Variants in PRKCG observed in about 807,000 individuals in gnomAD.
The protein encoded by PRKCG is protein kinase C gamma, also known as protein kinase C gamma type.
A neutral mutation model predicts 82.0 loss-of-function variants in PRKCG; 28 were observed. The ratio of observed to expected loss-of-function variants is 0.34; its 90% CI spans 0.25 to 0.47. The LOEUF (loss-of-function observed/expected upper bound fraction) is 0.47. Among genes scored for constraint, PRKCG ranks in the 20% least tolerant of loss-of-function variants. PRKCG has a pLI of 1.00. For missense variants in PRKCG, 640 were observed against 952.7 expected (o/e 0.67, Z 4.32); for synonymous variants, 383 against 376.6 (o/e 1.02, Z -0.20).
chr19:53,898,390 T>C, intron 10 of PRKCG, 50 bp from the exon 11 acceptor site: 1 of 1,608,922 alleles, frequency 6.2e-7, no homozygotes, highest in South Asian at 1.1e-5. Flanking sequence ...GCAGGTCCTG[T>C]ACCACTGGGT....
In PRKCG at chr19:53,884,758, CG is replaced by C. The variant is rs1568750185; in HGVS notation, c.285+517del. On this transcript the variant is annotated intron_variant, in intron 3 of 17. Transcript: ENST00000263431. This position sits in a 1 kb window ranked among gnomAD's most constrained non-coding sequence, Gnocchi z 4.6. ...AGATGGACAGAGAAACTCCAAGAGA[CG>C]GAGACACAGACACCTGGAGAAAGAG... 6.6e-6 allele frequency among the ~76,000 whole-genome samples: 1 copy of C among 152,078 alleles called. No homozygotes were observed. The highest frequency in any genetic ancestry group is 1.5e-5 in the Non-Finnish European group (1 of 68,028).
rs2068652326 is a variant in PRKCG at position 53,889,075 on chromosome 19, C to T, written c.286-563C>T. ...TCAAGCAATTCTCATGCCTCAGCCT[C>T]CTGAGTAGCTGGGATTACAGGCATG... On this transcript the variant is annotated intron_variant, in intron 3 of 17. Transcript: ENST00000263431. This position sits in a 1 kb window ranked among gnomAD's most constrained non-coding sequence, Gnocchi z 4.4. Among the ~76,000 whole-genome samples the T allele has an allele frequency of 6.6e-6, 1 of 152,124 alleles. No homozygotes were observed. Among genetic ancestry groups the T allele is most frequent in the African/African-American group, 2.4e-5 (1 of 41,412 alleles).
intron 9 of PRKCG, among the ~76,000 whole-genome samples, chr19:53,895,861 C>T (rs890289266): frequency 6.6e-6 from 1 of 151,978 alleles, no homozygotes; most frequent in Non-Finnish European, 1.5e-5. Flanking sequence ...AGATCGAGAC[C>T]ATCCTGGCTA....
At chr19:53,887,176 A>G (rs1013900108) in intron 3 of PRKCG, among the ~76,000 whole-genome samples, 3 of 151,920 alleles carry the variant, frequency 2.0e-5, no homozygotes, top group Admixed American at 6.6e-5. Context: ...GGCTCAAGTG[A>G]TTCACTGCTG....
At chr19:53,894,753 C>T (rs949487369) in intron 9 of PRKCG, among the ~76,000 whole-genome samples, 10 of 152,202 alleles carry the variant, frequency 6.6e-5, no homozygotes, top group Non-Finnish European at 1.0e-4. Flanking sequence ...AGCGACCACG[C>T]CCAGACGAAT....
intron 16 of PRKCG, among the ~76,000 whole-genome samples, chr19:53,906,078 C>CTTCTTCTTCTTCTTCTTCTTCTT (rs1568763958): frequency 2.3e-5 from 1 of 43,782 alleles, no homozygotes; most frequent in African/African-American, 3.4e-4. Context: ...TCCTCCTCCT[C>CTTCTTCTTCTTCTTCTTCTTCTT]CTCCTCCTTC....
In PRKCG at chr19:53,883,255, G is replaced by A; in HGVS notation, c.202+61G>A. ...GGAGGGTGGAGGCTGGGGCCCCACA[G>A]CTGAGGCTGCTTGACACACGTGTTC... On this transcript the variant is annotated intron_variant, in intron 2 of 17. Transcript: ENST00000263431. This position sits in a 1 kb window ranked among gnomAD's most constrained non-coding sequence, Gnocchi z 5.4. 6.3e-7 allele frequency: 1 copy of A among 1,587,954 alleles called. No individual in the cohort carries two copies. The highest frequency in any genetic ancestry group is 8.6e-7 in the Non-Finnish European group (1 of 1,157,582).
Position 53,889,178 on chromosome 19 carries a change from C to T in PRKCG, c.286-460C>T, listed in dbSNP as rs2068652908. ...ATGTTGCCTAGCCTGGTCCGGAACT[C>T]CTGAGCTCAAGGCAATCCGCCCACC... On this transcript the variant is annotated intron_variant, in intron 3 of 17. Transcript: ENST00000263431. The surrounding 1 kb of genome is among the most constrained non-coding windows in gnomAD (Gnocchi z 4.4). 6.6e-6 allele frequency among the ~76,000 whole-genome samples: 1 copy of T among 152,030 alleles called. No individual in the cohort carries two copies. Among genetic ancestry groups the T allele is most frequent in the Admixed American group, 6.6e-5 (1 of 15,252 alleles).
At chr19:53,896,432 C>T (rs911545726) in intron 9 of PRKCG, among the ~76,000 whole-genome samples, 2 of 149,220 alleles carry the variant, frequency 1.3e-5, no homozygotes, top group African/African-American at 4.9e-5. Flanking sequence ...ATGTATTTAT[C>T]TATTTGAGAC....
chr19:53,900,313 G>GC lies in PRKCG; in HGVS notation c.1366dup (p.His456ProfsTer36). 6.2e-7 allele frequency: 1 copy of GC among 1,614,128 alleles called. No individual in the cohort carries two copies. The highest frequency in any genetic ancestry group is 8.5e-7 in the Non-Finnish European group (1 of 1,180,018). On this transcript the variant is annotated frameshift_variant, in exon 12 of 18. Transcript: ENST00000263431. LOFTEE classifies it high-confidence loss of function. This position sits in a 1 kb window ranked among gnomAD's most constrained non-coding sequence, Gnocchi z 4.2. ...TTCAACAGCTGGGCAAGTTTAAGGA[G>GC]CCCCATGCAGCGTGAGTCTCGGCCA... is the stretch of plus-strand genomic sequence containing the variant.
At chr19:53,893,502 T>G in intron 9 of PRKCG, 111 bp downstream of exon 9, 10 of 1,179,406 alleles carry the variant, frequency 8.5e-6, no homozygotes, top group Middle Eastern at 1.9e-4. Flanking sequence ...GAGCACACAT[T>G]TGTGCTAGGC....
intron 16 of PRKCG, 97 bp from the exon 17 acceptor site, chr19:53,906,220 G>T: frequency 6.7e-7 from 1 of 1,485,878 alleles, no homozygotes; most frequent in South Asian, 1.2e-5. Flanking sequence ...GTGTCTCTTG[G>T]TTCCTCCATC....
rs773816756 is a variant in PRKCG at position 53,882,449 on chromosome 19, C to T, written c.-46C>T. On this transcript the variant is annotated 5_prime_UTR_variant, in exon 1 of 18. Coordinates refer to ENST00000263431, the MANE Select transcript of PRKCG (RefSeq NM_002739.5). This position sits in a 1 kb window ranked among gnomAD's most constrained non-coding sequence, Gnocchi z 6.1. ...CAGCTCCTCTCCCTTCCACCTGTTTCCCCCAAGAAAGGCAGGATCCTGGTC... is the reference window on the plus strand; with the variant it reads ...CAGCTCCTCTCCCTTCCACCTGTTTTCCCCAAGAAAGGCAGGATCCTGGTC... 1.3e-6 allele frequency: 2 copies of T among 1,589,824 alleles called. No homozygotes were observed. Among genetic ancestry groups the T allele is most frequent in the Non-Finnish European group, 1.7e-6 (2 of 1,168,466 alleles).
In PRKCG at chr19:53,892,689, T is replaced by C. The variant is rs1263757890; in HGVS notation, c.821+46T>C. 5.0e-6 allele frequency: 8 copies of C among 1,591,510 alleles called. No homozygotes were observed. The South Asian group carries it at 5.6e-5, about 11-fold the overall frequency. On this transcript the variant is annotated intron_variant, in intron 7 of 17. Coordinates refer to ENST00000263431, the MANE Select transcript of PRKCG (RefSeq NM_002739.5). This position sits in a 1 kb window ranked among gnomAD's most constrained non-coding sequence, Gnocchi z 5.9. The stretch of plus-strand genomic sequence containing the variant: ...CTGGGGATGGAGCGCAATATTACCA[T>C]CTCCATCTGTGTGTGGTCTCTCTCC...
At chr19:53,904,161 C>G (rs770640803) in intron 15 of PRKCG, among the ~76,000 whole-genome samples, 1 of 151,658 alleles carries the variant, frequency 6.6e-6, no homozygotes, top group South Asian at 2.1e-4. Flanking sequence ...TTTGGGAGGC[C>G]GAAGTGGGCA....
At chr19:53,885,169 G>A (rs1385199689) in intron 3 of PRKCG, among the ~76,000 whole-genome samples, 6 of 152,194 alleles carry the variant, frequency 3.9e-5, no homozygotes, top group Admixed American at 2.0e-4. Context: ...GAAACAGGGC[G>A]ACTGTGGCTG....
chr19:53,906,084 CCTTCTTCTT>C (rs1199099703), intron 16 of PRKCG, among the ~76,000 whole-genome samples: 3 of 27,986 alleles, frequency 1.1e-4, no homozygotes, highest in Non-Finnish European at 1.7e-4. Context: ...TCCTCCTCCT[CCTTCTTCTT>C]CTTCTTCTTC....
intron 17 of PRKCG, 21 bp downstream of exon 17, chr19:53,906,478 CA>C: frequency 6.4e-7 from 1 of 1,572,042 alleles, no homozygotes; most frequent in Non-Finnish European, 8.6e-7. Flanking sequence ...CTCCAGGCAA[CA>C]AAAACCTGGT....
rs7249072 is a variant in PRKCG at position 53,899,147 on chromosome 19, T to A, written c.1281+519T>A. ...CGGGCGGATGAGCTCCTCGGGGGCG[T>A]GGCCAGGCGGTGAGTTCCTCGGTGG... On this transcript the variant is annotated intron_variant, in intron 11 of 17. Coordinates refer to ENST00000263431, the MANE Select transcript of PRKCG (RefSeq NM_002739.5). Among the ~76,000 whole-genome samples the A allele has an allele frequency of 7.2e-3, 1,086 of 150,134 alleles. 20 individuals carry two copies. The highest frequency in any genetic ancestry group is 0.025 in the African/African-American group (1,014 of 40,760).
Sources: allele counts gnomAD v4.1 joint callset (sites outside exome capture counted in the v4.1 genomes callset), GRCh38; gene constraint gnomAD v4.1.1; non-coding constraint Gnocchi (gnomAD v3.1); transcripts MANE v1.5; gene names NCBI Gene and HGNC (gene_info 2026-07-23, HGNC 2026-07-21).